Variants in TLN2 observed in about 807,000 individuals in gnomAD.
The protein encoded by TLN2 is talin-2.
TLN2 carries 118 observed loss-of-function variants against 294.7 expected under a neutral mutation model. The ratio of observed to expected loss-of-function variants is 0.40; its 90% CI spans 0.34 to 0.47. The LOEUF (loss-of-function observed/expected upper bound fraction) is 0.47, where lower values mean the gene tolerates loss of function less well. Among genes scored for constraint, TLN2 ranks in the 20% least tolerant of loss-of-function variants. The probability of loss-of-function intolerance (pLI) is 0.84; values close to 1 mark genes in which losing one functional copy is unlikely to be tolerated. For synonymous variants in TLN2, 1,431 were observed against 1,304.5 expected (o/e 1.10, Z -2.09); for missense variants, 3,083 against 3,282.2 (o/e 0.94, Z 1.48).
intron 1 of TLN2, among the ~76,000 whole-genome samples, chr15:62,528,780 T>A (rs1417746110): frequency 1.3e-5 from 2 of 150,800 alleles, no homozygotes; most frequent in Non-Finnish European, 2.9e-5. Context: ...CCACTTGGTT[T>A]TTCTATCCCT....
At chr15:62,716,241 T>C in intron 22 of TLN2, 90 bp from the exon 23 acceptor site, 2 of 1,334,050 alleles carry the variant, frequency 1.5e-6, no homozygotes, top group Non-Finnish European at 1.9e-6. Flanking sequence ...TGCAAATGCT[T>C]TCTATTACTA....
At chr15:62,636,395 T>C (rs1481207463) in intron 3 of TLN2, among the ~76,000 whole-genome samples, 2 of 152,196 alleles carry the variant, frequency 1.3e-5, no homozygotes, top group Admixed American at 6.5e-5. Context: ...GACTGCTGGA[T>C]TGGCAATGTG....
At chr15:62,397,054 T>C (rs1477588397) in intron 1 of TLN2, among the ~76,000 whole-genome samples, 1 of 152,144 alleles carries the variant, frequency 6.6e-6, no homozygotes, top group Non-Finnish European at 1.5e-5. Flanking sequence ...TTGGTTTTCC[T>C]AATTGAGGCC....
chr15:62,624,825 A>G (rs992634241), intron 3 of TLN2, among the ~76,000 whole-genome samples: 4 of 152,196 alleles, frequency 2.6e-5, no homozygotes, highest in Non-Finnish European at 5.9e-5. Flanking sequence ...AAGACTGGTA[A>G]CACCACGTCA....
intron 15 of TLN2, 90 bp from the exon 16 acceptor site, chr15:62,698,664 T>C: frequency 9.6e-7 from 1 of 1,038,448 alleles, no homozygotes. Context: ...TTGTCTTGAG[T>C]GCAGAGTTCT....
At chr15:62,486,810 G>GT (rs1364205522) in intron 1 of TLN2, among the ~76,000 whole-genome samples, 8,688 of 141,036 alleles carry the variant, frequency 0.062, 428 homozygotes, top group African/African-American at 0.14. Context: ...GGTTTGCAAG[G>GT]TTTTTTTTTT....
intron 11 of TLN2, among the ~76,000 whole-genome samples, chr15:62,684,887 G>C (rs541214564): frequency 1.2e-4 from 18 of 149,010 alleles, no homozygotes; most frequent in African/African-American, 4.5e-4. Flanking sequence ...GTATGTTCCA[G>C]CTCTGTTTTA....
At chr15:62,748,573 G>T in intron 33 of TLN2, 129 bp downstream of exon 33, 1 of 743,044 alleles carries the variant, frequency 1.3e-6, no homozygotes, top group East Asian at 2.8e-5. Flanking sequence ...CTCTGTCCTT[G>T]CCTTTTATCT....
At chr15:62,779,960 A>G (rs1022485755) in intron 43 of TLN2, among the ~76,000 whole-genome samples, 1 of 152,244 alleles carries the variant, frequency 6.6e-6, no homozygotes, top group Non-Finnish European at 1.5e-5. Context: ...GATACCAGCT[A>G]ACATTTTCCT....
chr15:62,515,228 A>T (rs1486581610), intron 1 of TLN2, among the ~76,000 whole-genome samples: 1 of 152,230 alleles, frequency 6.6e-6, no homozygotes, highest in East Asian at 1.9e-4. Context: ...TATATTTATC[A>T]TATCAGTTAG....
At chr15:62,826,287 A>G (rs1464429759) in intron 54 of TLN2, among the ~76,000 whole-genome samples, 1 of 152,214 alleles carries the variant, frequency 6.6e-6, no homozygotes. Context: ...AAAGCAATGG[A>G]TACTATGGGA....
intron 22 of TLN2, among the ~76,000 whole-genome samples, chr15:62,714,833 T>C (rs2059666446): frequency 1.3e-5 from 2 of 151,738 alleles, no homozygotes; most frequent in African/African-American, 2.4e-5. Flanking sequence ...CTGATACATA[T>C]TCATCATAAA....
rs1196039723 is a variant in TLN2, at chr15:62,844,590, ATTTT to A, written c.*3986_*3989del. The A allele has an allele frequency of 1.3e-5, 2 of 151,548 alleles. No homozygotes were observed. Among genetic ancestry groups the A allele is most frequent in the Middle Eastern group, 3.4e-3 (1 of 294 alleles). 9.4% of individuals were successfully genotyped at this position (151,548 alleles called of 1,614,324 possible). ...ATTAATTTATCTAACCACATAAGTT[ATTTT>A]TTTTTATTTGCCAGAAATAAACCTT... On this transcript the variant is annotated 3_prime_UTR_variant, in exon 59 of 59. Transcript: ENST00000636159.
chr15:62,651,316 A>G (rs973411729), intron 5 of TLN2, among the ~76,000 whole-genome samples: 1 of 152,198 alleles, frequency 6.6e-6, no homozygotes, highest in Non-Finnish European at 1.5e-5. Context: ...TCACTATCAA[A>G]TTTTTAAGAA....
intron 28 of TLN2, among the ~76,000 whole-genome samples, chr15:62,731,177 G>T (rs954434790): frequency 6.6e-6 from 1 of 151,738 alleles, no homozygotes; most frequent in Non-Finnish European, 1.5e-5. Flanking sequence ...CTGGAATTCT[G>T]TATATTGTCA....
rs570616817 is a variant in TLN2 at position 62,534,238 on chromosome 15, C to T, written c.-237-55449C>T. On this transcript the variant is annotated intron_variant, in intron 1 of 58. Transcript: ENST00000636159. ...ATCCTCTAATTCAATTCTATTTTGA[C>T]ACTACCTAAAGATAGTGTCAGGTCC... Among the ~76,000 whole-genome samples, 52 of 152,290 alleles carry T rather than the reference C, an allele frequency of 3.4e-4. 2 individuals carry two copies. In the South Asian group the frequency reaches 9.3e-3, roughly 27 times the overall value.
intron 54 of TLN2, among the ~76,000 whole-genome samples, chr15:62,825,375 T>C (rs922797060): frequency 1.3e-5 from 2 of 152,164 alleles, no homozygotes; most frequent in African/African-American, 4.8e-5. Flanking sequence ...TGTGATTTTC[T>C]TGTTTCTTTG....
chr15:62,720,648 G>GGTGTGT lies in TLN2; in HGVS notation c.2991+797_2991+802dup, dbSNP rs5813167. ...TTTAACTACATACATATACAACACA[G>GGTGTGT]GTGTGTGTGTGTGTGTGTGTGTGTG... On this transcript the variant is annotated intron_variant, in intron 25 of 58. Coordinates refer to ENST00000636159, the MANE Select transcript of TLN2 (RefSeq NM_015059.3). 7.4e-3 allele frequency among the ~76,000 whole-genome samples: 1,101 copies of GGTGTGT among 149,194 alleles called. 9 individuals carry two copies. The highest frequency in any genetic ancestry group is 0.012 in the South Asian group (54 of 4,630).
chr15:62,469,212 G>A (rs72753874), intron 1 of TLN2, among the ~76,000 whole-genome samples: 1 of 152,152 alleles, frequency 6.6e-6, no homozygotes, highest in Admixed American at 6.6e-5. Flanking sequence ...GAGCATGTAA[G>A]CAGACTTCTC....
Sources: allele counts gnomAD v4.1 joint callset (sites outside exome capture counted in the v4.1 genomes callset), GRCh38; gene constraint gnomAD v4.1.1; transcripts MANE v1.5; gene names NCBI Gene and HGNC (gene_info 2026-07-23, HGNC 2026-07-21).